Variants in RAD54B observed in about 807,000 individuals in gnomAD.
RAD54B encodes the protein DNA repair and recombination protein RAD54B.
Under a neutral mutation model 95.8 loss-of-function variants are expected in RAD54B, and 78 were observed. The observed-to-expected ratio is 0.81, with a 90% CI of 0.68 to 0.98. RAD54B has a LOEUF of 0.98. RAD54B is among the 50% of genes least tolerant of loss of function. The pLI is 0.00. For missense variants in RAD54B, 957 were observed against 1,056.6 expected (o/e 0.91, Z 1.31); for synonymous variants, 328 against 354.9 (o/e 0.92, Z 0.85).
At chr8:94,384,515 ATAGATTT>A (rs1225315147) in intron 11 of RAD54B, among the ~76,000 whole-genome samples, 403 of 35,448 alleles carry the variant, frequency 0.011, no homozygotes, top group African/African-American at 0.018. Context: ...TTGGTGTTTA[ATAGATTT>A]CAGTTTTGTT....
At chr8:94,390,172 T>C (rs1170498341) in intron 10 of RAD54B, among the ~76,000 whole-genome samples, 1 of 151,776 alleles carries the variant, frequency 6.6e-6, no homozygotes, top group East Asian at 1.9e-4. Flanking sequence ...AGACCCCATC[T>C]CTATTTTTTA....
intron 8 of RAD54B, among the ~76,000 whole-genome samples, chr8:94,397,785 C>T (rs1467713570): frequency 1.3e-5 from 2 of 151,804 alleles, no homozygotes; most frequent in Non-Finnish European, 2.9e-5. Flanking sequence ...TTTATATCTG[C>T]AACTATTCTT....
At position 94,460,630 on chromosome 8, in the gene RAD54B, G is replaced by A. The variant is rs557064375; in HGVS notation, c.136-2194C>T. On this transcript the variant is annotated intron_variant, in intron 2 of 14. Transcript: ENST00000336148. ...AAATTACCAGAAATTTGGTGGCATTGAACAACACAAATTTATCATTTTATA... is the reference window on the plus strand; with the variant it reads ...AAATTACCAGAAATTTGGTGGCATTAAACAACACAAATTTATCATTTTATA... 1.1e-4 allele frequency among the ~76,000 whole-genome samples: 17 copies of A among 152,254 alleles called. No homozygotes were observed. The South Asian group carries it at 3.3e-3, about 30-fold the overall frequency.
intron 14 of RAD54B, among the ~76,000 whole-genome samples, chr8:94,377,111 G>C (rs1810595809): frequency 6.6e-6 from 1 of 152,144 alleles, no homozygotes; most frequent in Non-Finnish European, 1.5e-5. Context: ...CAAGTACTGA[G>C]AAGTATGGTG....
At chr8:94,429,760 AAAG>A (rs371861833) in intron 3 of RAD54B, 2 of 984,690 alleles carry the variant, frequency 2.0e-6, no homozygotes, top group Non-Finnish European at 2.4e-6. Context: ...CTTTATAATT[AAAG>A]AAGTTAACTC....
chr8:94,421,518 T>C (rs1303049182), intron 3 of RAD54B, among the ~76,000 whole-genome samples: 1 of 152,212 alleles, frequency 6.6e-6, no homozygotes, highest in Non-Finnish European at 1.5e-5. Flanking sequence ...AGATTACAAC[T>C]CTTGATCTGC....
intron 3 of RAD54B, among the ~76,000 whole-genome samples, chr8:94,427,133 A>C (rs1249678627): frequency 6.6e-6 from 1 of 152,136 alleles, no homozygotes; most frequent in Non-Finnish European, 1.5e-5. Context: ...AACAGAGGTG[A>C]ATTCACACAT....
At chr8:94,459,209 G>C (rs1340747242) in intron 2 of RAD54B, among the ~76,000 whole-genome samples, 1 of 151,934 alleles carries the variant, frequency 6.6e-6, no homozygotes, top group African/African-American at 2.4e-5. Context: ...GAAGAGTGCA[G>C]TGTCACGACC....
chr8:94,447,633 G>A (rs966197088), intron 3 of RAD54B, among the ~76,000 whole-genome samples: 1 of 152,110 alleles, frequency 6.6e-6, no homozygotes, highest in Admixed American at 6.5e-5. Context: ...TCTTCACGAT[G>A]GCAAACTAAG....
chr8:94,396,268 A>C (rs557285632), intron 8 of RAD54B, among the ~76,000 whole-genome samples: 4,444 of 152,074 alleles, frequency 0.029, 82 homozygotes, highest in Non-Finnish European at 0.043. Flanking sequence ...AAAAAAAAAA[A>C]ACTAAAGATT....
chr8:94,409,698 G>A (rs1811481794), intron 4 of RAD54B, among the ~76,000 whole-genome samples: 1 of 152,082 alleles, frequency 6.6e-6, no homozygotes, highest in South Asian at 2.1e-4. Context: ...GGCATGGTCA[G>A]GGTAAAAACC....
intron 12 of RAD54B, among the ~76,000 whole-genome samples, 173 bp from the exon 13 acceptor site, chr8:94,378,807 A>G (rs1810663870): frequency 1.3e-5 from 2 of 152,142 alleles, no homozygotes; most frequent in Non-Finnish European, 2.9e-5. Flanking sequence ...TTTTCTTGGC[A>G]GAAAGAAAGG....
rs548806998 is a variant in RAD54B at position 94,397,788 on chromosome 8, C to T, written c.1378+1626G>A. Among the ~76,000 whole-genome samples the T allele has an allele frequency of 1.4e-3, 217 of 151,856 alleles. 1 individual carries two copies. The highest frequency in any genetic ancestry group is 2.7e-3 in the Non-Finnish European group (182 of 67,956). On this transcript the variant is annotated intron_variant, in intron 8 of 14. Coordinates refer to ENST00000336148, the MANE Select transcript of RAD54B (RefSeq NM_012415.3). Reference sequence around the variant, plus strand: ...AAACATTTTTACTTTATATCTGCAACTATTCTTTAAATAAGCAATACTGAC... The same window carrying T: ...AAACATTTTTACTTTATATCTGCAATTATTCTTTAAATAAGCAATACTGAC...
intron 3 of RAD54B, among the ~76,000 whole-genome samples, chr8:94,422,654 A>ATATAT (rs60336758): frequency 2.4e-5 from 3 of 124,404 alleles, no homozygotes; most frequent in African/African-American, 8.9e-5. Context: ...ATATATATAT[A>ATATAT]AAATTATCAG....
intron 2 of RAD54B, among the ~76,000 whole-genome samples, chr8:94,464,498 A>G (rs960823072): frequency 2.0e-5 from 3 of 152,234 alleles, no homozygotes; most frequent in Admixed American, 2.0e-4. Context: ...TGTTGTTTTA[A>G]GCCATTAGAT....
At chr8:94,441,027 G>C (rs1288564011) in intron 3 of RAD54B, among the ~76,000 whole-genome samples, 1 of 152,162 alleles carries the variant, frequency 6.6e-6, no homozygotes, top group African/African-American at 2.4e-5. Flanking sequence ...GTTACCCATA[G>C]ATTCCAGGCA....
At chr8:94,420,434 G>A (rs895450008) in intron 3 of RAD54B, among the ~76,000 whole-genome samples, 2 of 149,310 alleles carry the variant, frequency 1.3e-5, no homozygotes, top group African/African-American at 2.5e-5. Context: ...TTTTTTTTTC[G>A]TATTTTCAAT....
At chr8:94,385,673 G>A (rs769274802) in intron 11 of RAD54B, among the ~76,000 whole-genome samples, 7 of 152,108 alleles carry the variant, frequency 4.6e-5, no homozygotes, top group African/African-American at 1.7e-4. Flanking sequence ...GCCTGGCCTC[G>A]AGCAATCCTC....
At chr8:94,447,587 G>A (rs955922998) in intron 3 of RAD54B, among the ~76,000 whole-genome samples, 7 of 152,122 alleles carry the variant, frequency 4.6e-5, no homozygotes, top group Non-Finnish European at 8.8e-5. Context: ...TGCCTGCTTC[G>A]TACACTGAGG....
Sources: allele counts gnomAD v4.1 joint callset (sites outside exome capture counted in the v4.1 genomes callset), GRCh38; gene constraint gnomAD v4.1.1; transcripts MANE v1.5; gene names NCBI Gene and HGNC (gene_info 2026-07-23, HGNC 2026-07-21).